TPO: variants seen among roughly 807,000 people sequenced by gnomAD.
The protein encoded by TPO is thyroid microsomal antigen.
Under a neutral mutation model 96.9 loss-of-function variants are expected in TPO, and 78 were observed. The ratio of observed to expected loss-of-function variants is 0.81; its 90% CI spans 0.67 to 0.97. The LOEUF (loss-of-function observed/expected upper bound fraction) is 0.97. Ranked by LOEUF, TPO falls within the 50% of genes least tolerant of loss-of-function variation. TPO has a pLI of 0.00. For synonymous variants in TPO, 547 were observed against 538.0 expected (o/e 1.02, Z -0.23); for missense variants, 1,252 against 1,274.8 (o/e 0.98, Z 0.27).
chr2:1,485,059 A>ACTCCCC (rs1671013289), intron 9 of TPO, among the ~76,000 whole-genome samples: 1 of 147,744 alleles, frequency 6.8e-6, no homozygotes. Context: ...CCTCCCCCTG[A>ACTCCCC]CCCCCACCCC....
intron 5 of TPO, chr2:1,439,045 CT>C: frequency 1.8e-6 from 1 of 545,022 alleles, no homozygotes; most frequent in Non-Finnish European, 3.3e-6. Flanking sequence ...AAAAAAAACT[CT>C]TTAAAAAATG....
intron 5 of TPO, among the ~76,000 whole-genome samples, chr2:1,437,452 C>A (rs1217879119): frequency 6.6e-6 from 1 of 151,682 alleles, no homozygotes; most frequent in Admixed American, 6.6e-5. Context: ...AAGATGCCCC[C>A]CCCGAGAGAG....
intron 9 of TPO, among the ~76,000 whole-genome samples, chr2:1,485,360 A>G (rs1218165803): frequency 1.3e-5 from 2 of 152,204 alleles, no homozygotes; most frequent in Non-Finnish European, 2.9e-5. Flanking sequence ...GTGCTGCAAT[A>G]AACATACGTG....
At chr2:1,480,706 C>T (rs1209189649) in intron 8 of TPO, among the ~76,000 whole-genome samples, 1 of 148,916 alleles carries the variant, frequency 6.7e-6, no homozygotes, top group African/African-American at 2.5e-5. Context: ...TCCACACCAC[C>T]TCCCTCCTCC....
chr2:1,479,772 T>C (rs1402985643), intron 8 of TPO, among the ~76,000 whole-genome samples: 4 of 146,186 alleles, frequency 2.7e-5, no homozygotes, highest in African/African-American at 7.5e-5. Context: ...CCTCCTCCTC[T>C]TCTTCTTCTC....
chr2:1,487,739 A>C (rs1245542720), intron 9 of TPO, 82 bp from the exon 10 acceptor site: 1 of 438,690 alleles, frequency 2.3e-6, no homozygotes, highest in Middle Eastern at 4.8e-4. Context: ...ACTCCGTCTC[A>C]AAAAAAAAAA....
At chr2:1,430,608 TC>T (rs1293280706) in intron 3 of TPO, among the ~76,000 whole-genome samples, 1 of 152,180 alleles carries the variant, frequency 6.6e-6, no homozygotes, top group African/African-American at 2.4e-5. Context: ...TGAAAAAGCC[TC>T]AAGTGCTCAA....
chr2:1,435,455 C>T (rs1307102924), intron 4 of TPO, among the ~76,000 whole-genome samples: 1 of 152,204 alleles, frequency 6.6e-6, no homozygotes, highest in Non-Finnish European at 1.5e-5. Context: ...TCTCTCATAT[C>T]TGAAAATGGA....
chr2:1,522,387 A>T (rs1675400677), intron 15 of TPO, among the ~76,000 whole-genome samples: 1 of 125,384 alleles, frequency 8.0e-6, no homozygotes, highest in Admixed American at 8.2e-5. Context: ...GTGCCCTCAC[A>T]GTCTCTCTAC....
At chr2:1,441,442 T>C (rs1666184950) in intron 5 of TPO, among the ~76,000 whole-genome samples, 2 of 152,216 alleles carry the variant, frequency 1.3e-5, no homozygotes, top group South Asian at 4.1e-4. Flanking sequence ...TTTAAACATT[T>C]TAGAATCTCT....
intron 1 of TPO, among the ~76,000 whole-genome samples, chr2:1,395,730 G>GTGAT (rs1481651738): frequency 2.3e-5 from 3 of 131,122 alleles, no homozygotes; most frequent in Non-Finnish European, 4.6e-5. Flanking sequence ...TGCCGTTCTA[G>GTGAT]TGATAGTGTG....
intron 6 of TPO, among the ~76,000 whole-genome samples, chr2:1,455,861 C>T (rs1343511460): frequency 6.6e-6 from 1 of 152,158 alleles, no homozygotes; most frequent in African/African-American, 2.4e-5. Flanking sequence ...GCCAGGCCCT[C>T]CAGCCACCAC....
chr2:1,532,095 G>T (rs1558427391), intron 15 of TPO, among the ~76,000 whole-genome samples: 1 of 80,928 alleles, frequency 1.2e-5, no homozygotes, highest in African/African-American at 5.6e-5. Flanking sequence ...CCCCCACTGT[G>T]TGCAACCCCC....
upstream of TPO, among the ~76,000 whole-genome samples, chr2:1,411,285 C>T (rs1662329919): frequency 1.3e-5 from 2 of 152,152 alleles, no homozygotes; most frequent in African/African-American, 4.8e-5. Flanking sequence ...ATACATTTCT[C>T]ATATTTGTGC....
chr2:1,485,612 A>T (rs1444540297), intron 9 of TPO, among the ~76,000 whole-genome samples: 4 of 151,536 alleles, frequency 2.6e-5, no homozygotes, highest in African/African-American at 7.3e-5. Flanking sequence ...CTGGTGTGAG[A>T]TGGTATCTCA....
At chr2:1,380,498 T>A (rs1661794711) in intron 1 of TPO, among the ~76,000 whole-genome samples, 2 of 151,358 alleles carry the variant, frequency 1.3e-5, no homozygotes, top group South Asian at 2.1e-4. Flanking sequence ...TAAAAAAAAA[T>A]TCTATATTTG....
At chr2:1,458,545 CAT>C (rs1264057102) in intron 7 of TPO, among the ~76,000 whole-genome samples, 2 of 151,752 alleles carry the variant, frequency 1.3e-5, no homozygotes, top group Admixed American at 6.6e-5. Flanking sequence ...AGTTTGTGGA[CAT>C]GTGTGTATAT....
rs150305415 is a variant in TPO at position 1,427,647 on chromosome 2, C to T, written c.179+4518C>T. 7.4e-3 allele frequency among the ~76,000 whole-genome samples: 1,125 copies of T among 152,304 alleles called. 14 individuals are homozygous for T. Among genetic ancestry groups the T allele is most frequent in the Middle Eastern group, 0.037 (11 of 294 alleles). On this transcript the variant is annotated intron_variant, in intron 3 of 16. Transcript: ENST00000329066. ...CCGCTTCATAATTTTATAATTTCGGCATGGACAGAAGAAGCGTCTGCATGA... is the reference window on the plus strand; with the variant it reads ...CCGCTTCATAATTTTATAATTTCGGTATGGACAGAAGAAGCGTCTGCATGA...
At chr2:1,494,791 C>T (rs991709568) in intron 11 of TPO, among the ~76,000 whole-genome samples, 7 of 152,176 alleles carry the variant, frequency 4.6e-5, no homozygotes, top group South Asian at 2.1e-4. Context: ...GTCACTGTGC[C>T]GAGGTCAGAT....
Sources: allele counts gnomAD v4.1 joint callset (sites outside exome capture counted in the v4.1 genomes callset), GRCh38; gene constraint gnomAD v4.1.1; transcripts MANE v1.5; gene names NCBI Gene and HGNC (gene_info 2026-07-23, HGNC 2026-07-21).